The following ULK1 variants were observed in gnomAD, a reference collection of about 807,000 sequenced individuals.
The protein encoded by ULK1 is unc-51 like autophagy activating kinase 1.
Under a neutral mutation model 117.5 loss-of-function variants are expected in ULK1, and 48 were observed. That is an observed-to-expected ratio of 0.41 (90% confidence interval 0.32 to 0.52). The LOEUF (loss-of-function observed/expected upper bound fraction) is 0.52, where lower values mean the gene tolerates loss of function less well. Ranked by LOEUF, ULK1 falls within the 20% of genes least tolerant of loss-of-function variation. The pLI is 0.29. For missense variants in ULK1, 1,387 were observed against 1,473.4 expected (o/e 0.94, Z 0.96); for synonymous variants, 790 against 637.8 (o/e 1.24, Z -3.60).
Position 131,916,539 on chromosome 12 carries a change from C to T in ULK1, c.2020C>T (p.Pro674Ser). ...GGAGGTGGGACCCTTCCATGGTCAG[C>T]CGTTGGGCCCTGGCCTGCGGCCAGG... ...LSEVGPFHGQ[P>S]LGPGLRPGED... The change falls in exon 20 of 28, where the codon CCG (proline) becomes TCG (serine). Residue 674 changes from proline to serine, a missense_variant. By Grantham distance (74) the Pro-to-Ser change is moderately conservative. Transcript: ENST00000321867. 1.9e-6 allele frequency: 3 copies of T among 1,609,452 alleles called. No individual in the cohort carries two copies. Among genetic ancestry groups the T allele is most frequent in the Non-Finnish European group, 2.5e-6 (3 of 1,179,354 alleles).
intron 15 of ULK1, 111 bp downstream of exon 15, chr12:131,913,947 G>A (rs1288376322): frequency 1.1e-5 from 11 of 996,332 alleles, no homozygotes; most frequent in Non-Finnish European, 1.5e-5. Flanking sequence ...AGAGGCCCCT[G>A]CCTTCTTCTC....
chr12:131,913,911 G>GACACA, intron 15 of ULK1, 75 bp downstream of exon 15: 1 of 1,280,184 alleles, frequency 7.8e-7, no homozygotes, highest in Non-Finnish European at 1.0e-6. Flanking sequence ...CCTGTGTGTC[G>GACACA]CAGCCAGCCC....
intron 3 of ULK1, chr12:131,896,664 G>A (rs1054337733): frequency 6.6e-6 from 1 of 152,194 alleles, no homozygotes; most frequent in African/African-American, 2.4e-5. Context: ...CAGGTCCAGC[G>A]AGTACCTGGA....
At position 131,919,804 on chromosome 12, in the gene ULK1, C is replaced by T. The variant is rs557362291; in HGVS notation, c.2804-175C>T. The stretch of plus-strand genomic sequence containing the variant: ...ATGCAGAGCACAGAGGCCGTGGGGT[C>T]GGATGGCACCCGGGACAAGGTGCGG... On this transcript the variant is annotated intron_variant, in intron 25 of 27. Transcript: ENST00000321867. 1.2e-4 allele frequency: 127 copies of T among 1,089,672 alleles called. No individual in the cohort carries two copies. In the East Asian group the frequency reaches 1.3e-3, roughly 11 times the overall value. The allele number at this position is 1,089,672 out of a possible 1,614,324, so 67.5% of individuals were successfully genotyped here.
chr12:131,915,857 C>G (rs1276531212), intron 18 of ULK1, 34 bp from the exon 19 acceptor site: 1 of 1,603,670 alleles, frequency 6.2e-7, no homozygotes, highest in Admixed American at 1.7e-5. Flanking sequence ...GGCCGCCGGA[C>G]CGGAAGGTCG....
chr12:131,917,643 G>C (rs1889922716), intron 22 of ULK1, 89 bp downstream of exon 22: 2 of 1,246,988 alleles, frequency 1.6e-6, no homozygotes, highest in South Asian at 5.5e-5. Context: ...CGGGTCACTG[G>C]ACTACAGCCC....
rs1017976981 is a variant in ULK1 at position 131,904,003 on chromosome 12, G to A, written c.247-2889G>A. Among the ~76,000 whole-genome samples, 3 of 152,122 alleles carry A rather than the reference G, an allele frequency of 2.0e-5. No homozygotes were observed. The East Asian group carries it at 5.8e-4, about 29-fold the overall frequency. On this transcript the variant is annotated intron_variant, in intron 3 of 27. Coordinates refer to ENST00000321867, the MANE Select transcript of ULK1 (RefSeq NM_003565.4). ...CAGCACCCATGAGGCCAGTGTGGCT[G>A]GAGGGATGGCAGGGCCAGGTGCCCT...
intron 16 of ULK1, 151 bp downstream of exon 16, chr12:131,914,628 G>T: frequency 9.0e-7 from 1 of 1,108,178 alleles, no homozygotes; most frequent in Non-Finnish European, 1.2e-6. Context: ...TTACTTTGTT[G>T]ATGTCTTGGG....
At chr12:131,920,958 G>A in intron 26 of ULK1, 142 bp from the exon 27 acceptor site, 1 of 1,193,222 alleles carries the variant, frequency 8.4e-7, no homozygotes, top group Non-Finnish European at 1.1e-6. Flanking sequence ...TGCACAGCAG[G>A]CTGCACCAGC....
Position 131,919,266 on chromosome 12 carries a change from C to T in ULK1, c.2566C>T (p.His856Tyr). 1.3e-6 allele frequency: 2 copies of T among 1,598,976 alleles called. No individual in the cohort carries two copies. The highest frequency in any genetic ancestry group is 2.2e-5 in the East Asian group (1 of 44,820). The change falls in exon 24 of 28, where the codon CAC becomes TAC. Residue 856 changes from histidine (H) to tyrosine (Y), a missense_variant. Physicochemically the swap from His to Tyr is moderately conservative, Grantham distance 83. Transcript: ENST00000321867. ...GCGCTTCACGCTGCTGTTCGTGCAGCACGTCCTGGAGATCGCAGCCCTGAA... is the reference window on the plus strand; with the variant it reads ...GCGCTTCACGCTGCTGTTCGTGCAGTACGTCCTGGAGATCGCAGCCCTGAA... ...GLRFTLLFVQ[H>Y]VLEIAALKGS...
Position 131,914,496 on chromosome 12 carries a change from G to A in ULK1, c.1373+19G>A, listed in dbSNP as rs1417213833. 15 of 1,607,624 alleles carry A rather than the reference G, an allele frequency of 9.3e-6. No individual in the cohort carries two copies. Among genetic ancestry groups the A allele is most frequent in the Non-Finnish European group, 1.3e-5 (15 of 1,176,378 alleles). ...CACCTCGGTGAGTGTGGAGCCCCCAGGTAGCCAGGCGTGGCTGGGGCCTTG... is the reference window on the plus strand; with the variant it reads ...CACCTCGGTGAGTGTGGAGCCCCCAAGTAGCCAGGCGTGGCTGGGGCCTTG... On this transcript the variant is annotated intron_variant, in intron 16 of 27. Transcript: ENST00000321867.
At chr12:131,919,703 G>A (rs535858260) in intron 25 of ULK1, 113 bp downstream of exon 25, 3 of 1,297,808 alleles carry the variant, frequency 2.3e-6, no homozygotes, top group East Asian at 2.3e-5. Context: ...CTGTGCAGAG[G>A]TGCAGAGGCC....
chr12:131,917,346 C>G (rs1372556562), intron 21 of ULK1, 65 bp from the exon 22 acceptor site: 27 of 1,251,430 alleles, frequency 2.2e-5, no homozygotes, highest in African/African-American at 5.0e-5. Context: ...GGGTTCGGCT[C>G]GGAGGCTGTG....
chr12:131,917,668 G>A (rs1889924189), intron 22 of ULK1, 114 bp downstream of exon 22: 3 of 1,116,746 alleles, frequency 2.7e-6, no homozygotes, highest in African/African-American at 1.6e-5. Flanking sequence ...GAGCCCAGGG[G>A]TGCCTGAGGA....
Position 131,921,625 on chromosome 12 carries a change from G to A in ULK1, c.*264G>A. On this transcript the variant is annotated 3_prime_UTR_variant, in exon 28 of 28. Transcript: ENST00000321867. ...TCTGCCCCTCCAGCTGCCTGGCTCA[G>A]CAGGCGTGGGTGCCACCACCCTCTA... 1.6e-6 allele frequency: 1 copy of A among 622,116 alleles called. No homozygotes were observed. Among genetic ancestry groups the A allele is most frequent in the Non-Finnish European group, 2.8e-6 (1 of 354,420 alleles). The allele number at this position is 622,116 out of a possible 1,614,324, so 38.5% of individuals were successfully genotyped here.
intron 3 of ULK1, among the ~76,000 whole-genome samples, chr12:131,904,776 C>T (rs956910345): frequency 2.0e-5 from 3 of 152,118 alleles, no homozygotes; most frequent in Admixed American, 6.5e-5. Context: ...GAAATGTGGG[C>T]ACCTATGGGC....
In ULK1 at chr12:131,909,709, C is replaced by T. The variant is rs1329240288; in HGVS notation, c.667-66C>T. ...AGGGGCCGACTGGGGACGAACGCAC[C>T]GAGACCCCGTGGGCTGGTCCCGCTC... On this transcript the variant is annotated intron_variant, in intron 8 of 27. Coordinates refer to ENST00000321867, the MANE Select transcript of ULK1 (RefSeq NM_003565.4). 1.4e-5 allele frequency: 21 copies of T among 1,459,760 alleles called. 1 individual carries two copies. The South Asian group carries it at 2.1e-4, about 15-fold the overall frequency. The allele number at this position is 1,459,760 out of a possible 1,614,324, so 90.4% of individuals were successfully genotyped here.
intron 26 of ULK1, 170 bp from the exon 27 acceptor site, chr12:131,920,930 C>A: frequency 4.3e-6 from 4 of 938,508 alleles, no homozygotes; most frequent in South Asian, 1.8e-5. Context: ...CTCCCCTTGG[C>A]CCTGTGACCA....
At chr12:131,908,487 C>T (rs908572777) in intron 5 of ULK1, 157 bp from the exon 6 acceptor site, 7 of 857,124 alleles carry the variant, frequency 8.2e-6, no homozygotes, top group African/African-American at 1.8e-5. Context: ...CTCGGCGGCC[C>T]GTGGTGGCTT....
Sources: gnomAD v4.1 joint callset for allele counts (sites outside exome capture counted in the v4.1 genomes callset) on GRCh38, gnomAD v4.1.1 for gene constraint, MANE v1.5 for transcripts, NCBI Gene and HGNC (gene_info 2026-07-23, HGNC 2026-07-21) for gene names.